Variants in KLF8 observed in about 807,000 individuals in gnomAD.
The protein encoded by KLF8 is Krueppel-like factor 8.
In KLF8, 10 loss-of-function variants were observed where a neutral mutation model predicts 18.2. The ratio of observed to expected loss-of-function variants is 0.55; its 90% CI spans 0.34 to 0.93. The LOEUF is 0.93. Ranked by LOEUF, KLF8 falls within the 40% of genes least tolerant of loss-of-function variation. The pLI is 0.02. For synonymous variants in KLF8, 109 were observed against 97.3 expected (o/e 1.12, Z -0.71); for missense variants, 264 against 277.9 (o/e 0.95, Z 0.36).
At chrX:56,131,606 G>A in the KLF8 span, among the ~76,000 whole-genome samples, 1 of 111,290 alleles carries the variant, frequency 9.0e-6, no homozygotes, top group Non-Finnish European at 1.9e-5. Context: ...GGCACAAATA[G>A]CATGATAAAT....
the KLF8 span, among the ~76,000 whole-genome samples, chrX:55,926,748 A>G: frequency 1.8e-5 from 2 of 110,979 alleles, no homozygotes; most frequent in African/African-American, 3.3e-5. Context: ...TTTTAGGAAC[A>G]TGGAGTGTAC....
At chrX:55,989,851 T>G in the KLF8 span, among the ~76,000 whole-genome samples, 1 of 111,521 alleles carries the variant, frequency 9.0e-6, no homozygotes, top group Non-Finnish European at 1.9e-5. Flanking sequence ...TTTTGGTTGG[T>G]AAGCTATTAA....
At position 56,236,962 on chromosome X, in the gene KLF8, GAT is replaced by G. The variant is rs3052513; in HGVS notation, c.7+3642_7+3643del. Among the ~76,000 whole-genome samples the G allele has an allele frequency of 2.7e-3, 247 of 93,086 alleles. 2 individuals are homozygous for G. Among genetic ancestry groups the G allele is most frequent in the Admixed American group, 3.6e-3 (30 of 8,231 alleles). The allele number at this position is 93,086 out of a possible 115,157, so 80.8% of individuals were successfully genotyped here. On this transcript the variant is annotated intron_variant, in intron 1 of 5. Coordinates refer to ENST00000468660, the MANE Select transcript of KLF8 (RefSeq NM_007250.5). ...TTGGTTTTCTATAGATAGATAGATGGATATATATATATATATATATATGGTTC... is the reference window on the plus strand; with the variant it reads ...TTGGTTTTCTATAGATAGATAGATGGATATATATATATATATATATGGTTC...
chrX:55,927,170 G>A, the KLF8 span, among the ~76,000 whole-genome samples: 10 of 111,805 alleles, frequency 8.9e-5, no homozygotes, highest in East Asian at 2.5e-3. Flanking sequence ...CTCAGTTTTG[G>A]CATTATTGAT....
chrX:56,222,723 G>A, the KLF8 span, among the ~76,000 whole-genome samples: 1 of 113,046 alleles, frequency 8.8e-6, no homozygotes, highest in East Asian at 2.8e-4. Flanking sequence ...GCGGGCTGCA[G>A]GTCCAGAACC....
the KLF8 span, among the ~76,000 whole-genome samples, chrX:56,111,158 C>G: frequency 8.9e-6 from 1 of 112,584 alleles, no homozygotes; most frequent in South Asian, 3.6e-4. Flanking sequence ...CTACTGCCTT[C>G]TAACTCTTAT....
the KLF8 span, among the ~76,000 whole-genome samples, chrX:56,051,434 T>C: frequency 9.0e-6 from 1 of 111,108 alleles, no homozygotes; most frequent in African/African-American, 3.3e-5. Context: ...GTTTAGTGCT[T>C]CCTTCAGGAG....
At chrX:56,197,371 A>G in the KLF8 span, among the ~76,000 whole-genome samples, 1 of 111,905 alleles carries the variant, frequency 8.9e-6, no homozygotes, top group African/African-American at 3.2e-5. Context: ...AGACAGATGA[A>G]TCAAATAGAT....
the KLF8 span, among the ~76,000 whole-genome samples, chrX:56,004,685 G>A: frequency 3.6e-5 from 4 of 111,250 alleles, no homozygotes; most frequent in Non-Finnish European, 7.5e-5. Context: ...AATTCTTATT[G>A]CCCAAACCCC....
the KLF8 span, among the ~76,000 whole-genome samples, chrX:56,197,720 C>A: frequency 8.9e-6 from 1 of 111,759 alleles, no homozygotes; most frequent in African/African-American, 3.3e-5. Context: ...AAGAGGGAAT[C>A]CTCCCTAACT....
chrX:56,064,351 G>A, the KLF8 span, among the ~76,000 whole-genome samples: 1 of 107,342 alleles, frequency 9.3e-6, no homozygotes, highest in Non-Finnish European at 1.9e-5. Flanking sequence ...CTTGCTTTTG[G>A]TTTTCATTTC....
the KLF8 span, among the ~76,000 whole-genome samples, chrX:56,081,543 C>A: frequency 8.9e-6 from 1 of 111,882 alleles, no homozygotes; most frequent in Admixed American, 9.5e-5. Flanking sequence ...AAGTGGGCAA[C>A]CCTATTTTGT....
At chrX:55,984,425 C>G in the KLF8 span, among the ~76,000 whole-genome samples, 1 of 111,532 alleles carries the variant, frequency 9.0e-6, no homozygotes, top group African/African-American at 3.3e-5. Flanking sequence ...ATGATCCCTG[C>G]AAAGGACATG....
chrX:56,007,577 C>A, the KLF8 span, among the ~76,000 whole-genome samples: 1 of 111,153 alleles, frequency 9.0e-6, no homozygotes, highest in Non-Finnish European at 1.9e-5. Flanking sequence ...CCTTCCATGC[C>A]TTAGAGGTTT....
At chrX:56,183,310 C>T in the KLF8 span, among the ~76,000 whole-genome samples, 5 of 112,241 alleles carry the variant, frequency 4.5e-5, no homozygotes, top group Non-Finnish European at 9.4e-5. Flanking sequence ...TTTACTAAGA[C>T]TGATGGAAAA....
At chrX:56,185,266 G>A in the KLF8 span, among the ~76,000 whole-genome samples, 1 of 112,102 alleles carries the variant, frequency 8.9e-6, no homozygotes, top group African/African-American at 3.2e-5. Flanking sequence ...CTGGAAGAAA[G>A]GGTGTCAGTG....
chrX:55,938,152 C>G, the KLF8 span, among the ~76,000 whole-genome samples: 1 of 111,914 alleles, frequency 8.9e-6, no homozygotes, highest in Non-Finnish European at 1.9e-5. Flanking sequence ...CAAAGTGAAG[C>G]CCATCAGACT....
upstream of KLF8, among the ~76,000 whole-genome samples, chrX:56,230,747 T>G (rs925873065): frequency 1.8e-5 from 2 of 111,228 alleles, no homozygotes; most frequent in Non-Finnish European, 3.8e-5. Flanking sequence ...CTATTATTAT[T>G]GTTAATAATA....
At chrX:56,010,273 G>T in the KLF8 span, among the ~76,000 whole-genome samples, 1 of 111,912 alleles carries the variant, frequency 8.9e-6, no homozygotes, top group Non-Finnish European at 1.9e-5. Context: ...GTCAGCAGAA[G>T]CCCTACAAGC....
Sources: gnomAD v4.1 joint callset for allele counts (sites outside exome capture counted in the v4.1 genomes callset) on GRCh38, gnomAD v4.1.1 for gene constraint, MANE v1.5 for transcripts, NCBI Gene and HGNC (gene_info 2026-07-23, HGNC 2026-07-21) for gene names.